The following MROH2B variants were observed in gnomAD, a reference collection of about 807,000 sequenced individuals.
MROH2B encodes maestro heat-like repeat-containing protein family member 2B.
MROH2B carries 177 observed loss-of-function variants against 208.6 expected under a neutral mutation model. The observed-to-expected ratio is 0.85, with a 90% confidence interval of 0.75 to 0.96. The LOEUF is 0.96. MROH2B is among the 40% of genes least tolerant of loss of function. The probability of loss-of-function intolerance (pLI) is 0.00; values close to 1 mark genes in which losing one functional copy is unlikely to be tolerated. For missense variants in MROH2B, 2,002 were observed against 1,878.7 expected (o/e 1.07, Z -1.21); for synonymous variants, 728 against 659.0 (o/e 1.10, Z -1.60).
chr5:41,065,546 A>G (rs777126459), intron 3 of MROH2B, 56 bp from the exon 4 acceptor site: 20 of 1,426,996 alleles, frequency 1.4e-5, no homozygotes, highest in East Asian at 9.1e-5. Flanking sequence ...GAGTGAGTCT[A>G]TGGAGGGGAA....
intron 17 of MROH2B, 28 bp from the exon 18 acceptor site, chr5:41,045,881 G>C: frequency 6.6e-7 from 1 of 1,514,602 alleles, no homozygotes; most frequent in Non-Finnish European, 9.1e-7. Context: ...AGTTAGATGT[G>C]AATATGACCG....
chr5:41,000,678 A>T lies in MROH2B; in HGVS notation c.4350T>A (p.Val1450=), dbSNP rs112537553. ...HLWDPNPKIG[V]ACRDVLMVCI... is the part of the protein sequence containing the mutation. ...GCAGGTGTCTGTGGAGAGCACTTAC[A>T]ACTCCAATCTTGGGGTTGGGATCCC... Residue 1450 remains valine, a splice_region_variant and synonymous_variant, in exon 38 of 42, where the codon GTT becomes GTA. Transcript: ENST00000399564. 21 of 1,609,752 alleles carry T rather than the reference A, an allele frequency of 1.3e-5. No individual in the cohort carries two copies. In the African/African-American group the frequency reaches 2.3e-4, roughly 17 times the overall value.
intron 2 of MROH2B, 136 bp downstream of exon 2, chr5:41,069,555 C>T (rs1251995638): frequency 3.0e-6 from 2 of 664,632 alleles, no homozygotes; most frequent in Non-Finnish European, 5.3e-6. Flanking sequence ...TTCATTACAA[C>T]TGCATTTACT....
At chr5:41,005,335 G>A (rs1277555637) in intron 35 of MROH2B, 196 bp downstream of exon 35, 17 of 562,174 alleles carry the variant, frequency 3.0e-5, no homozygotes, top group Non-Finnish European at 5.4e-5. Flanking sequence ...CAGGAGGTGG[G>A]TGAGGTGGTT....
chr5:41,067,094 T>G lies in MROH2B; in HGVS notation c.201+14A>C. 1 of 1,501,710 alleles carries G rather than the reference T, an allele frequency of 6.7e-7. No individual in the cohort carries two copies. Among genetic ancestry groups the G allele is most frequent in the Non-Finnish European group, 9.1e-7 (1 of 1,102,466 alleles). 93.0% of individuals were successfully genotyped at this position (1,501,710 alleles called of 1,614,324 possible). On this transcript the variant is annotated intron_variant, in intron 3 of 41. Coordinates refer to ENST00000399564, the MANE Select transcript of MROH2B (RefSeq NM_173489.5). ...CACATAAAGACCCTTTTCACCATCA[T>G]GAACCAAACTTACATTGTTGTCTCT...
chr5:41,065,297 TC>T (rs952473376), intron 4 of MROH2B, 33 bp downstream of exon 4: 1 of 1,577,118 alleles, frequency 6.3e-7, no homozygotes, highest in African/African-American at 1.3e-5. Flanking sequence ...AGTTGTCATT[TC>T]CCAGGGAAAA....
At chr5:41,020,117 AAC>A (rs1742095440) in intron 24 of MROH2B, among the ~76,000 whole-genome samples, 2 of 152,202 alleles carry the variant, frequency 1.3e-5, no homozygotes, top group South Asian at 4.1e-4. Context: ...ATTAAGATGT[AAC>A]ACATGGGATT....
intron 35 of MROH2B, 47 bp downstream of exon 35, chr5:41,005,484 C>G: frequency 8.5e-7 from 1 of 1,179,450 alleles, no homozygotes; most frequent in Non-Finnish European, 1.1e-6. Context: ...AAGAGAAATA[C>G]CCTATGGGGA....
intron 28 of MROH2B, among the ~76,000 whole-genome samples, 197 bp from the exon 29 acceptor site, chr5:41,015,675 T>C (rs1741923445): frequency 6.6e-6 from 1 of 152,222 alleles, no homozygotes; most frequent in Admixed American, 6.5e-5. Flanking sequence ...CATTTATTAC[T>C]CATAAACATT....
chr5:41,068,994 A>G (rs1463249078), intron 2 of MROH2B, among the ~76,000 whole-genome samples: 2 of 152,294 alleles, frequency 1.3e-5, no homozygotes, highest in African/African-American at 2.4e-5. Context: ...TGCCCTTCAC[A>G]AGGAGACAAC....
At chr5:41,017,018 C>G (rs1993033) in intron 28 of MROH2B, among the ~76,000 whole-genome samples, 2 of 152,038 alleles carry the variant, frequency 1.3e-5, no homozygotes, top group African/African-American at 4.8e-5. Flanking sequence ...TCTCTGTGTC[C>G]CCAGCATTAG....
At chr5:41,004,666 GT>G in intron 36 of MROH2B, 107 bp downstream of exon 36, 1 of 1,528,382 alleles carries the variant, frequency 6.5e-7, no homozygotes, top group Non-Finnish European at 8.8e-7. Flanking sequence ...CTTCAGCAAT[GT>G]ATCTGGATTT....
intron 21 of MROH2B, among the ~76,000 whole-genome samples, chr5:41,037,636 A>C (rs574698503): frequency 6.6e-6 from 1 of 152,306 alleles, no homozygotes; most frequent in South Asian, 2.1e-4. Context: ...ATGCATCAAC[A>C]TGTGGTTTGT....
At chr5:41,055,451 T>G (rs1479104459) in intron 10 of MROH2B, among the ~76,000 whole-genome samples, 2 of 140,368 alleles carry the variant, frequency 1.4e-5, no homozygotes, top group Non-Finnish European at 3.1e-5. Flanking sequence ...CCCTTGATAT[T>G]GGACCATTTA....
In MROH2B at chr5:41,017,872, A is replaced by C. The variant is rs1319861334; in HGVS notation, c.2862T>G (p.Thr954=). ...PTIRQAAASS[T]IGLFYIKGIH... is the part of the protein sequence containing the mutation. Reference sequence around the variant, plus strand: ...CACCTTTTATATAGAACAGACCAATAGTTGAGCTAGCAGCCGCCTGACGGA... The same window carrying C: ...CACCTTTTATATAGAACAGACCAATCGTTGAGCTAGCAGCCGCCTGACGGA... Residue 954 remains threonine (T), a synonymous_variant, in exon 28 of 42, where the codon ACT becomes ACG. Transcript: ENST00000399564. 6.3e-7 allele frequency: 1 copy of C among 1,595,378 alleles called. No homozygotes were observed. The highest frequency in any genetic ancestry group is 2.2e-5 in the East Asian group (1 of 44,470).
At chr5:41,035,202 GTAA>G (rs1209635515) in intron 21 of MROH2B, among the ~76,000 whole-genome samples, 1 of 152,086 alleles carries the variant, frequency 6.6e-6, no homozygotes, top group African/African-American at 2.4e-5. Context: ...TAAGGCTATA[GTAA>G]TCAAAACAGC....
At chr5:41,044,380 G>A (rs140125181) in intron 18 of MROH2B, among the ~76,000 whole-genome samples, 2 of 152,248 alleles carry the variant, frequency 1.3e-5, no homozygotes, top group African/African-American at 4.8e-5. Context: ...ACCTAAATAG[G>A]TGGCTGTTAT....
rs768422498 is a variant in MROH2B, at chr5:41,049,139, T to G, written c.1504A>C (p.Lys502Gln). 1 of 1,601,350 alleles carries G rather than the reference T, an allele frequency of 6.2e-7. No individual in the cohort carries two copies. The highest frequency in any genetic ancestry group is 8.5e-7 in the Non-Finnish European group (1 of 1,173,162). Residue 502 changes from lysine (K) to glutamine (Q), a missense_variant and splice_region_variant, in exon 15 of 42, where the codon AAA becomes CAA. By Grantham distance (53) the Lys-to-Gln change is moderately conservative (BLOSUM62 1). Transcript: ENST00000399564. ...TALVVSTGAV[K>Q]LPSPQQLLAR... Reference sequence around the variant, plus strand: ...AGTAGCTGCTGTGGTGAAGGAAGTTTCACTAGAAAGAGAAAGCAATTTTCA... The same window carrying G: ...AGTAGCTGCTGTGGTGAAGGAAGTTGCACTAGAAAGAGAAAGCAATTTTCA...
chr5:41,037,007 A>G (rs1251357419), intron 21 of MROH2B, among the ~76,000 whole-genome samples: 1 of 152,096 alleles, frequency 6.6e-6, no homozygotes, highest in East Asian at 1.9e-4. Context: ...AGTAATCTTT[A>G]TTTTAATCAT....
Sources: allele counts gnomAD v4.1 joint callset (sites outside exome capture counted in the v4.1 genomes callset), GRCh38; gene constraint gnomAD v4.1.1; transcripts MANE v1.5; gene names NCBI Gene and HGNC (gene_info 2026-07-23, HGNC 2026-07-21).